The following USP42 variants were observed in gnomAD, a reference collection of about 807,000 sequenced individuals.
USP42 encodes the protein ubiquitin specific peptidase 42.
A neutral mutation model predicts 113.0 loss-of-function variants in USP42; 23 were observed. The observed-to-expected ratio is 0.20, with a 90% confidence interval of 0.15 to 0.29. The LOEUF (loss-of-function observed/expected upper bound fraction) is 0.29, where lower values mean the gene tolerates loss of function less well. USP42 is among the 10% of genes least tolerant of loss of function. The pLI is 1.00. For synonymous variants in USP42, 933 were observed against 699.0 expected, an observed-to-expected ratio of 1.33 and a Z score of -5.28; for missense variants, 2,174 against 1,779.8, an observed-to-expected ratio of 1.22 and a Z score of -3.99.
chr7:6,153,188 G>A (rs561091227), intron 14 of USP42, among the ~76,000 whole-genome samples: 6 of 152,032 alleles, frequency 3.9e-5, no homozygotes, highest in Non-Finnish European at 7.4e-5. Context: ...CAGGAGAATC[G>A]CTTGCACCCA....
In USP42 at chr7:6,150,452, T is replaced by C. The variant is rs1781979646; in HGVS notation, c.2147T>C (p.Ile716Thr). 6.2e-7 allele frequency: 1 copy of C among 1,613,914 alleles called. No individual in the cohort carries two copies. The highest frequency in any genetic ancestry group is 8.5e-7 in the Non-Finnish European group (1 of 1,179,880). ...TTGCTGTCTCTCCCAGAAGACAAAA[T>C]CTTAGAGACCTTCAGGCTTAGCAAC... ...APLLSLPEDK[I>T]LETFRLSNKL... is the part of the protein sequence containing the mutation. The change falls in exon 14 of 18, where the codon ATC (isoleucine) becomes ACC (threonine). Residue 716 changes from isoleucine to threonine, a missense_variant. By Grantham distance (89) the Ile-to-Thr change is moderately conservative. Coordinates refer to ENST00000306177, the MANE Select transcript of USP42 (RefSeq NM_032172.3).
intron 1 of USP42, among the ~76,000 whole-genome samples, chr7:6,110,349 T>C (rs1171636748): frequency 6.6e-6 from 1 of 152,172 alleles, no homozygotes; most frequent in Non-Finnish European, 1.5e-5. Flanking sequence ...ACGTTCTTTA[T>C]AAAAATTAAG....
At position 6,149,579 on chromosome 7, in the gene USP42, C is replaced by A; in HGVS notation, c.1387-4C>A. 6.2e-7 allele frequency: 1 copy of A among 1,609,232 alleles called. No homozygotes were observed. The highest frequency in any genetic ancestry group is 8.5e-7 in the Non-Finnish European group (1 of 1,176,708). ...CTGACCAGGTGCGCTCTGCTTACTT[C>A]CAGAATCCACCTCACTTAAATGGGA... On this transcript the variant is annotated splice_polypyrimidine_tract_variant and splice_region_variant and intron_variant, in intron 12 of 17. Coordinates refer to ENST00000306177, the MANE Select transcript of USP42 (RefSeq NM_032172.3).
At chr7:6,120,163 A>T (rs1425523632) in intron 3 of USP42, among the ~76,000 whole-genome samples, 5 of 152,058 alleles carry the variant, frequency 3.3e-5, no homozygotes, top group Non-Finnish European at 5.9e-5. Flanking sequence ...ATGGGGTTTC[A>T]CTGTGTTAGC....
rs770461575 is a variant in USP42, at chr7:6,156,900, G to C, written c.3788G>C (p.Ser1263Thr). 2 of 1,613,738 alleles carry C rather than the reference G, an allele frequency of 1.2e-6. No individual in the cohort carries two copies. The highest frequency in any genetic ancestry group is 1.7e-6 in the Non-Finnish European group (2 of 1,179,856). ...GAACTGCACTTACCCAGGGTCACCA[G>C]CTTGGAGACTGTCGCCCAGTTCCGG... Reference protein sequence around the residue: ...DSELHLPRVTSLETVAQFRRA... With the variant: ...DSELHLPRVTTLETVAQFRRA... Residue 1263 changes from serine to threonine, a missense_variant, in exon 16 of 18, where the codon AGC becomes ACC. Coordinates refer to ENST00000306177, the MANE Select transcript of USP42 (RefSeq NM_032172.3).
intron 3 of USP42, among the ~76,000 whole-genome samples, chr7:6,119,280 C>T (rs1165306199): frequency 6.6e-6 from 1 of 152,052 alleles, no homozygotes; most frequent in African/African-American, 2.4e-5. Flanking sequence ...ATGCTGTAGC[C>T]TGGGCAACAT....
At position 6,105,938 on chromosome 7, in the gene USP42, GC is replaced by G. The variant is rs1243382840; in HGVS notation, c.-10+907del. 4.6e-5 allele frequency among the ~76,000 whole-genome samples: 7 copies of G among 152,292 alleles called. No individual in the cohort carries two copies. The East Asian group carries it at 1.4e-3, about 29-fold the overall frequency. On this transcript the variant is annotated intron_variant, in intron 1 of 17. Transcript: ENST00000306177. ...GTTATGTAAAGTCAATACCCTGACA[GC>G]AAAACTGTTTGAGAAACTAGTTAAC...
At chr7:6,153,621 CTT>C (rs1782200041) in intron 14 of USP42, 133 bp from the exon 15 acceptor site, 68 of 1,169,944 alleles carry the variant, frequency 5.8e-5, no homozygotes, top group Non-Finnish European at 7.5e-5. Context: ...TAGCCTGAAA[CTT>C]AAAGTATAAT....
chr7:6,135,685 A>G (rs955988053), intron 3 of USP42, among the ~76,000 whole-genome samples, 156 bp from the exon 4 acceptor site: 1 of 151,076 alleles, frequency 6.6e-6, no homozygotes, highest in Non-Finnish European at 1.5e-5. Flanking sequence ...AAAGAACAAA[A>G]AAAAGTAAAT....
rs1431240712 is a variant in USP42, at chr7:6,154,616, A to C, written c.3062A>C (p.His1021Pro). ...RRSLGRCSHH[H>P]SRHRSGVELD... Reference sequence around the variant, plus strand: ...TCTCTGGGCAGGTGCAGTCACCACCACTCCCGACACCGGAGCGGGGTGGAG... The same window carrying C: ...TCTCTGGGCAGGTGCAGTCACCACCCCTCCCGACACCGGAGCGGGGTGGAG... The change falls in exon 15 of 18, where the codon CAC becomes CCC. Residue 1021 changes from histidine to proline, a missense_variant. Transcript: ENST00000306177. 1.9e-6 allele frequency: 3 copies of C among 1,594,712 alleles called. No homozygotes were observed. The highest frequency in any genetic ancestry group is 2.6e-6 in the Non-Finnish European group (3 of 1,172,534).
chr7:6,159,308 T>A lies in USP42; in HGVS notation c.3944-142T>A. ...CCGCTGAGCGCTGGGACATCCCTGCTCACCTCACTGGGGAGTGGCCTCAGG... is the reference window on the plus strand; with the variant it reads ...CCGCTGAGCGCTGGGACATCCCTGCACACCTCACTGGGGAGTGGCCTCAGG... On this transcript the variant is annotated intron_variant, in intron 16 of 17. Coordinates refer to ENST00000306177, the MANE Select transcript of USP42 (RefSeq NM_032172.3). This position sits in a 1 kb window ranked among gnomAD's most constrained non-coding sequence, Gnocchi z 4.1. 1 of 1,036,956 alleles carries A rather than the reference T, an allele frequency of 9.6e-7. No individual in the cohort carries two copies. The highest frequency in any genetic ancestry group is 1.5e-6 in the Non-Finnish European group (1 of 688,466). The allele number at this position is 1,036,956 out of a possible 1,614,324, so 64.2% of individuals were successfully genotyped here. A position where few individuals can be genotyped will look rare whatever the true frequency, so the allele number is the denominator to read the frequency against.
chr7:6,092,733 G>A, the USP42 span, among the ~76,000 whole-genome samples: 1 of 151,096 alleles, frequency 6.6e-6, no homozygotes, highest in East Asian at 1.9e-4. Flanking sequence ...TTTGGGATCT[G>A]TCTCCTAAAA....
rs184274961 is a variant in USP42, at chr7:6,145,791, C to T, written c.1131+135C>T. 1.6e-4 allele frequency: 173 copies of T among 1,055,796 alleles called. No individual in the cohort carries two copies. In the East Asian group the frequency reaches 4.1e-3, roughly 25 times the overall value. The allele number at this position is 1,055,796 out of a possible 1,614,324, so 65.4% of individuals were successfully genotyped here. A position where few individuals can be genotyped will look rare whatever the true frequency, so the allele number is the denominator to read the frequency against. The stretch of plus-strand genomic sequence containing the variant: ...CCGAGGTAAAAATATTTCTCTTGGC[C>T]GGGCGCAGTGGCTTACTCCTGTAAT... On this transcript the variant is annotated intron_variant, in intron 10 of 17. Coordinates refer to ENST00000306177, the MANE Select transcript of USP42 (RefSeq NM_032172.3).
At chr7:6,103,585 C>G (rs1267671182), upstream of USP42, among the ~76,000 whole-genome samples, 2 of 149,886 alleles carry the variant, frequency 1.3e-5, no homozygotes, top group Non-Finnish European at 2.9e-5. Context: ...CAGTGGCGCA[C>G]CGGTGGGGTC....
intron 1 of USP42, among the ~76,000 whole-genome samples, chr7:6,107,914 A>G (rs531769086): frequency 7.9e-5 from 12 of 152,060 alleles, no homozygotes; most frequent in African/African-American, 2.4e-4. Flanking sequence ...CATCTTTTCT[A>G]TTTCTACTTG....
intron 9 of USP42, 23 bp downstream of exon 9, chr7:6,144,219 C>G: frequency 2.0e-6 from 3 of 1,485,116 alleles, no homozygotes; most frequent in Non-Finnish European, 2.8e-6. Flanking sequence ...TGTCATTAAT[C>G]ATGTTTTATG....
chr7:6,115,645 C>G (rs1779870558), intron 3 of USP42, 122 bp downstream of exon 3: 1 of 1,215,350 alleles, frequency 8.2e-7, no homozygotes, highest in Non-Finnish European at 1.2e-6. Flanking sequence ...TTGGTTTATT[C>G]TTTTAGAAAC....
At chr7:6,144,608 G>A (rs546229324) in intron 9 of USP42, among the ~76,000 whole-genome samples, 95 of 152,222 alleles carry the variant, frequency 6.2e-4, no homozygotes, top group African/African-American at 2.3e-3. Context: ...GGTGGCTCAC[G>A]CCCGTAATCC....
chr7:6,130,240 A>G (rs1049145247), intron 3 of USP42, among the ~76,000 whole-genome samples: 1 of 152,218 alleles, frequency 6.6e-6, no homozygotes, highest in African/African-American at 2.4e-5. Flanking sequence ...TGGCAGAGGA[A>G]GTGATGTCAG....
Sources: gnomAD v4.1 joint callset for allele counts (sites outside exome capture counted in the v4.1 genomes callset) on GRCh38, gnomAD v4.1.1 for gene constraint, Gnocchi (gnomAD v3.1) non-coding constraint, MANE v1.5 for transcripts, NCBI Gene and HGNC (gene_info 2026-07-23, HGNC 2026-07-21) for gene names.